BCL2L14: variants seen among roughly 807,000 people sequenced by gnomAD.
BCL2L14 encodes the protein apoptosis facilitator Bcl-2-like protein 14.
A neutral mutation model predicts 35.3 loss-of-function variants in BCL2L14; 27 were observed. That is an observed-to-expected ratio of 0.76 (90% CI 0.56 to 1.05). The LOEUF is 1.05. BCL2L14 is among the 50% of genes least tolerant of loss of function. The pLI is 0.00. For missense variants in BCL2L14, 377 were observed against 382.6 expected (o/e 0.99, Z 0.12); for synonymous variants, 139 against 145.9 (o/e 0.95, Z 0.34).
At chr12:12,059,940 T>A (rs1205543167) in intron 2 of BCL2L14, among the ~76,000 whole-genome samples, 2 of 152,042 alleles carry the variant, frequency 1.3e-5, no homozygotes, top group African/African-American at 4.8e-5. Flanking sequence ...TACACATCCG[T>A]CCCTCTCTAG....
At chr12:12,095,303 C>G in intron 5 of BCL2L14, 1 of 985,388 alleles carries the variant, frequency 1.0e-6, no homozygotes, top group Non-Finnish European at 1.2e-6. Flanking sequence ...CAGTTCCTCA[C>G]ACTTGCAGAT....
chr12:12,057,036 T>C (rs1565438206), intron 2 of BCL2L14, among the ~76,000 whole-genome samples: 1 of 133,244 alleles, frequency 7.5e-6, no homozygotes, highest in African/African-American at 2.5e-5. Context: ...GTGGCAAATA[T>C]TTTATTTAAC....
intron 2 of BCL2L14, among the ~76,000 whole-genome samples, chr12:12,083,069 A>G (rs1256581573): frequency 6.6e-6 from 1 of 152,048 alleles, no homozygotes; most frequent in Non-Finnish European, 1.5e-5. Flanking sequence ...GGTTCACACC[A>G]TTCTCCTGCC....
chr12:12,087,424 A>C (rs781155839), intron 3 of BCL2L14, 38 bp downstream of exon 3: 1 of 1,603,020 alleles, frequency 6.2e-7, no homozygotes, highest in Non-Finnish European at 8.5e-7. Context: ...TTTGCCAGGC[A>C]GGGGCGCAGG....
intron 3 of BCL2L14, among the ~76,000 whole-genome samples, chr12:12,087,748 G>A (rs974986384): frequency 3.9e-5 from 6 of 152,234 alleles, no homozygotes; most frequent in East Asian, 1.9e-4. Context: ...CAGTTGGAGC[G>A]TCAAGCCAGG....
chr12:12,090,198 G>A lies in BCL2L14; in HGVS notation c.608-581G>A, dbSNP rs985692169. ...ACAACAAGCTTAAGGTAACTACAGC[G>A]ATGAATTTCACAGTGAGAGCTGGGG... On this transcript the variant is annotated intron_variant, in intron 3 of 5. Coordinates refer to ENST00000308721, the MANE Select transcript of BCL2L14 (RefSeq NM_138723.2). Among the ~76,000 whole-genome samples, 10 of 152,308 alleles carry A rather than the reference G, an allele frequency of 6.6e-5. No homozygotes were observed. The South Asian group carries it at 1.0e-3, about 16-fold the overall frequency.
upstream of BCL2L14, among the ~76,000 whole-genome samples, chr12:12,066,040 C>T (rs1948590016): frequency 6.6e-6 from 1 of 152,184 alleles, no homozygotes; most frequent in Non-Finnish European, 1.5e-5. Context: ...ATCCACCCAC[C>T]TCGGCCTCCC....
intron 3 of BCL2L14, 40 bp from the exon 4 acceptor site, chr12:12,090,739 T>C: frequency 6.5e-7 from 1 of 1,533,422 alleles, no homozygotes; most frequent in Non-Finnish European, 9.0e-7. Context: ...GATTATTTTT[T>C]GCTTCTCTTA....
chr12:12,079,272 G>A (rs1363685901), intron 1 of BCL2L14, 27 bp from the exon 2 acceptor site: 3 of 1,591,586 alleles, frequency 1.9e-6, no homozygotes, highest in South Asian at 2.3e-5. Flanking sequence ...TGCATAGAAG[G>A]GCACAGTGTG....
At chr12:12,090,506 G>A (rs139932423) in intron 3 of BCL2L14, among the ~76,000 whole-genome samples, 1,602 of 152,044 alleles carry the variant, frequency 0.011, 35 homozygotes, top group African/African-American at 0.037. Context: ...GGTGGCACAC[G>A]CCTGTAATCC....
intron 1 of BCL2L14, among the ~76,000 whole-genome samples, chr12:12,050,809 A>AAAAAG (rs543033559): frequency 2.2e-5 from 3 of 134,666 alleles, no homozygotes; most frequent in African/African-American, 2.6e-5. Flanking sequence ...AAAAAAAAAA[A>AAAAAG]AAAAGAAAAG....
chr12:12,062,308 AC>A (rs56065006), intron 2 of BCL2L14, among the ~76,000 whole-genome samples: 118,960 of 131,762 alleles, frequency 0.9, 53,640 homozygotes, highest in East Asian at 0.99. Context: ...CCTGACACTC[AC>A]CCCATTTCCC....
At chr12:12,056,588 C>T (rs923639077) in intron 2 of BCL2L14, among the ~76,000 whole-genome samples, 1 of 152,216 alleles carries the variant, frequency 6.6e-6, no homozygotes, top group East Asian at 1.9e-4. Flanking sequence ...AATCCCAGCA[C>T]TTTGGGAGGC....
intron 2 of BCL2L14, among the ~76,000 whole-genome samples, chr12:12,061,852 T>A (rs2909005): frequency 0.93 from 140,784 of 152,166 alleles, 65,219 homozygotes; most frequent in East Asian, 1. Context: ...GTGCTCTCCC[T>A]GCTGATCGTG....
At chr12:12,095,051 C>T in intron 5 of BCL2L14, 121 bp downstream of exon 5, 1 of 1,454,780 alleles carries the variant, frequency 6.9e-7, no homozygotes, top group Non-Finnish European at 9.0e-7. Context: ...GTTTAGGACA[C>T]TTGAGTGGCC....
chr12:12,054,238 C>T (rs950546712), intron 2 of BCL2L14, among the ~76,000 whole-genome samples: 4 of 152,306 alleles, frequency 2.6e-5, no homozygotes, highest in Non-Finnish European at 4.4e-5. Context: ...CGCAGTAGCT[C>T]ATGCCTGTAA....
At position 12,087,252 on chromosome 12, in the gene BCL2L14, C is replaced by A. The variant is rs943201156; in HGVS notation, c.473C>A (p.Ala158Asp). ...PKVISIANRVAEIVYSWPPPQ... is the reference protein window; with the variant it reads ...PKVISIANRVDEIVYSWPPPQ... ...GTCATTTCCATTGCCAACCGAGTAG[C>A]TGAAATTGTTTACTCCTGGCCACCA... Residue 158 changes from alanine to aspartate, a missense_variant, in exon 3 of 6, where the codon GCT becomes GAT. Coordinates refer to ENST00000308721, the MANE Select transcript of BCL2L14 (RefSeq NM_138723.2). The A allele has an allele frequency of 1.2e-6, 2 of 1,614,168 alleles. No individual in the cohort carries two copies. The highest frequency in any genetic ancestry group is 4.5e-5 in the East Asian group (2 of 44,888).
chr12:12,085,340 T>G (rs1949019314), intron 2 of BCL2L14, among the ~76,000 whole-genome samples: 1 of 152,312 alleles, frequency 6.6e-6, no homozygotes, highest in East Asian at 1.9e-4. Flanking sequence ...CTTTCTCATC[T>G]CCTGAGGACA....
chr12:12,069,794 ACTGG>A, upstream of BCL2L14, among the ~76,000 whole-genome samples: 1 of 152,190 alleles, frequency 6.6e-6, no homozygotes, highest in Non-Finnish European at 1.5e-5. Flanking sequence ...CATTGACCTC[ACTGG>A]TGCAAAAAAT....
Sources: gnomAD v4.1 joint callset for allele counts (sites outside exome capture counted in the v4.1 genomes callset) on GRCh38, gnomAD v4.1.1 for gene constraint, MANE v1.5 for transcripts, NCBI Gene and HGNC (gene_info 2026-07-23, HGNC 2026-07-21) for gene names.